The following SYNE2 variants were observed in gnomAD, a reference collection of about 807,000 sequenced individuals.
SYNE2 encodes the protein spectrin repeat containing nuclear envelope protein 2.
A neutral mutation model predicts 856.3 loss-of-function variants in SYNE2; 431 were observed. The observed-to-expected ratio is 0.50, with a 90% CI of 0.47 to 0.55. The LOEUF (loss-of-function observed/expected upper bound fraction) is 0.55. Among genes scored for constraint, SYNE2 ranks in the 20% least tolerant of loss-of-function variants. The probability of loss-of-function intolerance (pLI) is 0.00; values close to 1 mark genes in which losing one functional copy is unlikely to be tolerated. For missense variants in SYNE2, 8,129 were observed against 8,023.2 expected, an observed-to-expected ratio of 1.01 and a Z score of -0.50; for synonymous variants, 2,923 against 2,872.3, an observed-to-expected ratio of 1.02 and a Z score of -0.56.
intron 95 of SYNE2, among the ~76,000 whole-genome samples, chr14:64,175,796 C>T (rs2153731935): frequency 6.6e-6 from 1 of 152,248 alleles, no homozygotes; most frequent in Non-Finnish European, 1.5e-5. Context: ...AACTAGATAA[C>T]CAAACTTACC....
In SYNE2 at chr14:64,170,211, C is replaced by T; in HGVS notation, c.17001-17C>T. ...CATGTCGATGTCTGGATTCTATAACCATTTGTTTTTCCCCAGACCAGAATT... is the reference window on the plus strand; with the variant it reads ...CATGTCGATGTCTGGATTCTATAACTATTTGTTTTTCCCCAGACCAGAATT... On this transcript the variant is annotated splice_polypyrimidine_tract_variant and intron_variant, in intron 93 of 115. Transcript: ENST00000555002. The T allele has an allele frequency of 6.2e-7, 1 of 1,609,568 alleles. No homozygotes were observed. Among genetic ancestry groups the T allele is most frequent in the Non-Finnish European group, 8.5e-7 (1 of 1,176,790 alleles).
chr14:63,999,182 G>T (rs2096735345), intron 27 of SYNE2, 142 bp downstream of exon 27: 1 of 851,382 alleles, frequency 1.2e-6, no homozygotes, highest in Admixed American at 2.1e-5. Context: ...TGCATTTCTA[G>T]TGTCACCCTA....
chr14:64,213,191 C>CAAGT (rs1218717359), intron 105 of SYNE2, among the ~76,000 whole-genome samples, 186 bp downstream of exon 105: 2 of 152,218 alleles, frequency 1.3e-5, no homozygotes, highest in Non-Finnish European at 2.9e-5. Flanking sequence ...CAGTAACTTA[C>CAAGT]AAGTTCCCAT....
intron 36 of SYNE2, 137 bp from the exon 37 acceptor site, chr14:64,021,720 A>G: frequency 9.4e-7 from 1 of 1,060,960 alleles, no homozygotes; most frequent in Non-Finnish European, 1.4e-6. Context: ...TGTATCATAC[A>G]TTTACTAGCA....
chr14:63,803,156 A>G (rs1268368681), intron 1 of SYNE2, among the ~76,000 whole-genome samples: 3 of 152,080 alleles, frequency 2.0e-5, no homozygotes, highest in African/African-American at 7.2e-5. Flanking sequence ...GCTAGATACT[A>G]AGGTTCTCCA....
chr14:63,803,100 T>G (rs1888216711), intron 1 of SYNE2, among the ~76,000 whole-genome samples: 1 of 152,042 alleles, frequency 6.6e-6, no homozygotes, highest in African/African-American at 2.4e-5. Context: ...TAGAGCCGAG[T>G]GGCCTGTTTT....
intron 1 of SYNE2, 105 bp from the exon 2 acceptor site, chr14:63,908,993 T>A: frequency 2.9e-6 from 2 of 687,584 alleles, no homozygotes; most frequent in South Asian, 1.5e-5. Flanking sequence ...AAGCCATACT[T>A]GTTTTGGAGG....
At chr14:63,838,194 AC>A (rs1350760474) in intron 1 of SYNE2, among the ~76,000 whole-genome samples, 3 of 151,848 alleles carry the variant, frequency 2.0e-5, no homozygotes, top group Non-Finnish European at 4.4e-5. Context: ...ACATGGGGAA[AC>A]CTGTCTCTAC....
chr14:64,024,939 G>T lies in SYNE2; in HGVS notation c.5868G>T (p.Arg1956Ser), dbSNP rs766828875. 6.2e-7 allele frequency: 1 copy of T among 1,614,016 alleles called. No homozygotes were observed. Residue 1956 changes from arginine to serine, a missense_variant, in exon 40 of 116, where the codon AGG (arginine) becomes AGT (serine). Physicochemically the swap from Arg to Ser is moderately radical, Grantham distance 110. Coordinates refer to ENST00000555002, the MANE Select transcript of SYNE2 (RefSeq NM_182914.3). Reference sequence around the variant, plus strand: ...TCCAGGATGACCATAGAAACCTGAGGAAGTGGTTGACTAATCAAGAAGAGA... The same window carrying T: ...TCCAGGATGACCATAGAAACCTGAGTAAGTGGTTGACTAATCAAGAAGAGA... ...LRLQDDHRNL[R>S]KWLTNQEEKW...
intron 68 of SYNE2, among the ~76,000 whole-genome samples, chr14:64,121,669 G>A (rs1192465276): frequency 6.6e-6 from 1 of 152,222 alleles, no homozygotes; most frequent in East Asian, 1.9e-4. Flanking sequence ...TGCTAACACT[G>A]GGGACACCAT....
intron 11 of SYNE2, among the ~76,000 whole-genome samples, chr14:63,969,924 G>A (rs1595940834): frequency 6.6e-6 from 1 of 152,076 alleles, no homozygotes; most frequent in African/African-American, 2.4e-5. Context: ...TTGTCATTGT[G>A]TGTACATGCT....
rs539943139 is a variant in SYNE2 at position 64,225,199 on chromosome 14, G to A, written c.20517-120G>A. ...TCTCCTCTGAAACTGAACCCCAACT[G>A]TTGGCCCTATTTAAATCTCAGGTCT... On this transcript the variant is annotated intron_variant, in intron 115 of 115. Coordinates refer to ENST00000555002, the MANE Select transcript of SYNE2 (RefSeq NM_182914.3). 12 of 1,567,964 alleles carry A rather than the reference G, an allele frequency of 7.7e-6. No homozygotes were observed. The Admixed American group carries it at 1.0e-4, about 13-fold the overall frequency.
chr14:64,121,576 A>C (rs1055434633), intron 68 of SYNE2, among the ~76,000 whole-genome samples: 1 of 152,188 alleles, frequency 6.6e-6, no homozygotes, highest in African/African-American at 2.4e-5. Context: ...AATTTCTGCA[A>C]AGTGTGGCAT....
chr14:63,974,896 A>ATATATATG (rs2096528073), intron 11 of SYNE2, among the ~76,000 whole-genome samples: 1 of 28,948 alleles, frequency 3.5e-5, no homozygotes. Context: ...GTGTGTGTAT[A>ATATATATG]TATATATATA....
intron 1 of SYNE2, among the ~76,000 whole-genome samples, chr14:63,821,111 A>G (rs1889195636): frequency 6.6e-6 from 1 of 152,142 alleles, no homozygotes; most frequent in Non-Finnish European, 1.5e-5. Context: ...TCATGGATAT[A>G]TAAAACTTAT....
chr14:64,121,916 C>G, intron 68 of SYNE2, 96 bp from the exon 69 acceptor site: 2 of 1,509,924 alleles, frequency 1.3e-6, no homozygotes, highest in Non-Finnish European at 1.8e-6. Flanking sequence ...GATTTAGGAA[C>G]TGGCTCAAAA....
chr14:64,080,531 C>G lies in SYNE2; in HGVS notation c.11239C>G (p.Gln3747Glu), dbSNP rs749762729. The G allele has an allele frequency of 1.1e-5, 17 of 1,614,024 alleles. No homozygotes were observed. The African/African-American group carries it at 1.9e-4, about 18-fold the overall frequency. ...LDSEVQDIVE[Q>E]DPGQAQEWMD... Reference sequence around the variant, plus strand: ...TTCTGAAGTTCAGGACATTGTTGAACAGGACCCAGGACAGGCTCAAGAATG... The same window carrying G: ...TTCTGAAGTTCAGGACATTGTTGAAGAGGACCCAGGACAGGCTCAAGAATG... The change falls in exon 56 of 116, where the codon CAG becomes GAG. Residue 3747 changes from glutamine to glutamate, a missense_variant. Gln to Glu is a conservative substitution (Grantham distance 29). Transcript: ENST00000555002.
At chr14:64,055,880 AAG>A (rs2097265097) in intron 48 of SYNE2, 62 bp from the exon 49 acceptor site, 1 of 1,313,864 alleles carries the variant, frequency 7.6e-7, no homozygotes, top group South Asian at 1.2e-5. Flanking sequence ...ACGAAAACTT[AAG>A]AATGACAGGA....
At chr14:64,095,120 G>A (rs1433480873) in intron 61 of SYNE2, 1 of 170,360 alleles carries the variant, frequency 5.9e-6, no homozygotes, top group African/African-American at 2.4e-5. Context: ...CCACCTAATG[G>A]ACAGATGTGG....
Sources: allele counts gnomAD v4.1 joint callset (sites outside exome capture counted in the v4.1 genomes callset), GRCh38; gene constraint gnomAD v4.1.1; transcripts MANE v1.5; gene names NCBI Gene and HGNC (gene_info 2026-07-23, HGNC 2026-07-21).